Variants in MTUS2 observed in about 807,000 individuals in gnomAD.
MTUS2 encodes microtubule associated scaffold protein 2, also known as microtubule-associated tumor suppressor candidate 2.
A neutral mutation model predicts 114.1 loss-of-function variants in MTUS2; 40 were observed. That is an observed-to-expected ratio of 0.35 (90% confidence interval 0.27 to 0.46). MTUS2 has a LOEUF of 0.46. MTUS2 is among the 20% of genes least tolerant of loss of function. MTUS2 has a pLI of 1.00. For missense variants in MTUS2, 1,679 were observed against 1,705.4 expected (o/e 0.98, Z 0.27); for synonymous variants, 688 against 672.0 (o/e 1.02, Z -0.37).
At chr13:29,283,104 C>T (rs1898340992) in intron 6 of MTUS2, among the ~76,000 whole-genome samples, 2 of 152,136 alleles carry the variant, frequency 1.3e-5, no homozygotes, top group Non-Finnish European at 2.9e-5. Context: ...GAGGCTCCAC[C>T]CATATCCCTG....
rs571746969 is a variant in MTUS2, at chr13:29,503,272, G to C, written c.*66G>C. On this transcript the variant is annotated 3_prime_UTR_variant, in exon 16 of 16. Transcript: ENST00000612955. ...CCGGTCTCCACCCTGAGGGAGCACC[G>C]ACCCGGTGCCGCCGGAGCTGGCCCT... 11 of 1,571,418 alleles carry C rather than the reference G, an allele frequency of 7.0e-6. No individual in the cohort carries two copies. The highest frequency in any genetic ancestry group is 1.1e-5 in the South Asian group (1 of 89,684).
rs543747722 is a variant in MTUS2 at position 28,830,441 on chromosome 13, A to G, written c.-315-9337A>G. ...GTCTCTTCAAATAGAGAATATCAAT[A>G]AAGGGGGAAATTGTTAAAAAAGGAA... On this transcript the variant is annotated intron_variant, in intron 1 of 15. Transcript: ENST00000612955. 2.6e-5 allele frequency among the ~76,000 whole-genome samples: 4 copies of G among 152,272 alleles called. No individual in the cohort carries two copies. The South Asian group carries it at 8.3e-4, about 32-fold the overall frequency.
At chr13:29,011,995 G>A (rs1286600465) in intron 2 of MTUS2, among the ~76,000 whole-genome samples, 1 of 152,182 alleles carries the variant, frequency 6.6e-6, no homozygotes. Flanking sequence ...ACCTGGTGCA[G>A]GCTTTTGAGC....
rs200061354 is a variant in MTUS2, at chr13:29,058,579, TTTA to T, written c.2446+24455_2446+24457del. On this transcript the variant is annotated intron_variant, in intron 4 of 15. Transcript: ENST00000612955. ...GCCAGGTTGATGCTTTTTTTTTTTT[TTTA>T]ATTATTATTTTTTTATTTTTTTATT... Among the ~76,000 whole-genome samples, 951 of 131,460 alleles carry T rather than the reference TTTA, an allele frequency of 7.2e-3. 5 individuals carry two copies. Among genetic ancestry groups the T allele is most frequent in the African/African-American group, 0.018 (653 of 35,654 alleles). 86.2% of individuals were successfully genotyped at this position (131,460 alleles called of 152,430 possible). A position where few individuals can be genotyped will look rare whatever the true frequency, so the allele number is the denominator to read the frequency against.
intron 5 of MTUS2, among the ~76,000 whole-genome samples, chr13:29,133,089 G>T (rs1433960806): frequency 6.6e-6 from 1 of 151,670 alleles, no homozygotes; most frequent in African/African-American, 2.4e-5. Flanking sequence ...CTCATTATAG[G>T]TTTGATTTAA....
At chr13:29,153,886 G>A (rs999413341) in intron 5 of MTUS2, among the ~76,000 whole-genome samples, 1 of 152,212 alleles carries the variant, frequency 6.6e-6, no homozygotes, top group African/African-American at 2.4e-5. Flanking sequence ...GATAATAGAA[G>A]TATGCAGCTG....
At chr13:29,065,824 C>A (rs1237909000) in intron 4 of MTUS2, among the ~76,000 whole-genome samples, 1 of 152,132 alleles carries the variant, frequency 6.6e-6, no homozygotes, top group Non-Finnish European at 1.5e-5. Context: ...AGAATAATAG[C>A]AGAACATAAA....
chr13:29,460,695 G>A (rs73446111), intron 9 of MTUS2, among the ~76,000 whole-genome samples: 2 of 152,102 alleles, frequency 1.3e-5, no homozygotes, highest in African/African-American at 2.4e-5. Flanking sequence ...TGATGTGAAC[G>A]CACGAAGGAC....
chr13:29,300,644 T>A (rs1471318217), intron 6 of MTUS2, among the ~76,000 whole-genome samples: 1 of 152,176 alleles, frequency 6.6e-6, no homozygotes, highest in Admixed American at 6.5e-5. Context: ...CTATATTACA[T>A]TGAAGAAATG....
intron 2 of MTUS2, among the ~76,000 whole-genome samples, chr13:28,922,207 G>T (rs916977955): frequency 6.6e-6 from 1 of 152,168 alleles, no homozygotes; most frequent in Non-Finnish European, 1.5e-5. Context: ...CACCATGATT[G>T]TAAGTTTCCT....
chr13:29,112,742 A>C (rs1377201641), intron 5 of MTUS2, among the ~76,000 whole-genome samples: 1 of 152,214 alleles, frequency 6.6e-6, no homozygotes, highest in African/African-American at 2.4e-5. Context: ...TTTAATATAC[A>C]AGTGGAGGTA....
chr13:28,991,731 T>C (rs8002557), intron 2 of MTUS2, among the ~76,000 whole-genome samples: 148,782 of 152,230 alleles, frequency 0.98, 72,796 homozygotes, highest in East Asian at 1. Context: ...TGCTCTGGGC[T>C]GGCAGGAGCT....
At chr13:29,379,353 C>A (rs1346546204) in intron 8 of MTUS2, among the ~76,000 whole-genome samples, 1 of 152,146 alleles carries the variant, frequency 6.6e-6, no homozygotes, top group African/African-American at 2.4e-5. Context: ...ATGCTGGTAC[C>A]ATCCTCATGC....
intron 5 of MTUS2, among the ~76,000 whole-genome samples, chr13:29,201,161 A>C (rs1173429616): frequency 6.6e-6 from 1 of 152,092 alleles, no homozygotes; most frequent in Non-Finnish European, 1.5e-5. Context: ...TTTGTAGGTC[A>C]CTAAGAACTT....
chr13:29,477,111 G>A (rs929361189), intron 9 of MTUS2, among the ~76,000 whole-genome samples: 3 of 152,186 alleles, frequency 2.0e-5, no homozygotes, highest in Admixed American at 1.3e-4. Context: ...TGTTCCCTGG[G>A]CTGCCCTAGT....
At chr13:29,300,743 G>C (rs1157516453) in intron 6 of MTUS2, among the ~76,000 whole-genome samples, 1 of 152,108 alleles carries the variant, frequency 6.6e-6, no homozygotes, top group Non-Finnish European at 1.5e-5. Flanking sequence ...ATGGGGTGTA[G>C]TAAAAGACGC....
intron 2 of MTUS2, among the ~76,000 whole-genome samples, chr13:28,874,289 C>T (rs907600675): frequency 6.6e-6 from 1 of 152,190 alleles, no homozygotes; most frequent in Non-Finnish European, 1.5e-5. Flanking sequence ...CATGAACCAC[C>T]ATGCCCCGCC....
intron 2 of MTUS2, among the ~76,000 whole-genome samples, chr13:28,995,891 C>A (rs550614196): frequency 6.6e-6 from 1 of 152,086 alleles, no homozygotes; most frequent in Non-Finnish European, 1.5e-5. Flanking sequence ...CCTTTATTTC[C>A]TTCTCCTGCC....
At chr13:29,006,577 G>C (rs74876223) in intron 2 of MTUS2, among the ~76,000 whole-genome samples, 360 of 152,312 alleles carry the variant, frequency 2.4e-3, no homozygotes, top group Middle Eastern at 0.01. Flanking sequence ...CCAAAGCAGA[G>C]GGTGCCACAT....
Sources: gnomAD v4.1 joint callset for allele counts (sites outside exome capture counted in the v4.1 genomes callset) on GRCh38, gnomAD v4.1.1 for gene constraint, MANE v1.5 for transcripts, NCBI Gene and HGNC (gene_info 2026-07-23, HGNC 2026-07-21) for gene names.